P4HA1: variants seen among roughly 807,000 people sequenced by gnomAD.
P4HA1 encodes the protein prolyl 4-hydroxylase subunit alpha-1.
In P4HA1, 24 loss-of-function variants were observed where a neutral mutation model predicts 72.8. That is an observed-to-expected ratio of 0.33 (90% CI 0.24 to 0.46). The LOEUF (loss-of-function observed/expected upper bound fraction) is 0.46, where lower values mean the gene tolerates loss of function less well. Ranked by LOEUF, P4HA1 falls within the 20% of genes least tolerant of loss-of-function variation. P4HA1 has a pLI of 1.00. For missense variants in P4HA1, 446 were observed against 640.6 expected, an observed-to-expected ratio of 0.70 and a Z score of 3.28; for synonymous variants, 201 against 218.8, an observed-to-expected ratio of 0.92 and a Z score of 0.72.
chr10:73,021,653 A>AGAC (rs1237905868), intron 10 of P4HA1, among the ~76,000 whole-genome samples: 1 of 152,250 alleles, frequency 6.6e-6, no homozygotes, highest in Non-Finnish European at 1.5e-5. Context: ...CAGTGGGTGC[A>AGAC]GACCATAGAG....
chr10:73,065,420 A>C (rs540518273), intron 5 of P4HA1: 14 of 152,356 alleles, frequency 9.2e-5, no homozygotes, highest in Admixed American at 3.3e-4. Context: ...ATAGGCCCAA[A>C]GAGGCAAAAG....
At chr10:73,062,727 CAT>C (rs990544227) in intron 5 of P4HA1, among the ~76,000 whole-genome samples, 15 of 152,094 alleles carry the variant, frequency 9.9e-5, no homozygotes, top group African/African-American at 2.9e-4. Flanking sequence ...ATGGTGGTCA[CAT>C]ATGTTTTTAA....
intron 1 of P4HA1, among the ~76,000 whole-genome samples, chr10:73,087,700 A>C (rs576866297): frequency 2.0e-5 from 3 of 151,898 alleles, no homozygotes; most frequent in African/African-American, 7.3e-5. Flanking sequence ...ATGTTGCCCA[A>C]GCTGGTCTCA....
chr10:73,083,490 C>T (rs1461680096), intron 1 of P4HA1, among the ~76,000 whole-genome samples: 1 of 152,172 alleles, frequency 6.6e-6, no homozygotes, highest in Non-Finnish European at 1.5e-5. Flanking sequence ...ACTGAAAGTG[C>T]TACACAGGCT....
chr10:73,023,928 A>G, intron 10 of P4HA1, among the ~76,000 whole-genome samples: 1 of 152,216 alleles, frequency 6.6e-6, no homozygotes, highest in East Asian at 1.9e-4. Flanking sequence ...TCAATTCAAC[A>G]AGAAGTGCTA....
chr10:73,083,837 TAATAC>T (rs1174593587), intron 1 of P4HA1, among the ~76,000 whole-genome samples: 1 of 152,206 alleles, frequency 6.6e-6, no homozygotes, highest in Non-Finnish European at 1.5e-5. Flanking sequence ...TTTTTAAATT[TAATAC>T]AATAATTAAA....
intron 1 of P4HA1, among the ~76,000 whole-genome samples, chr10:73,086,152 T>C (rs1480958026): frequency 6.6e-6 from 1 of 152,182 alleles, no homozygotes; most frequent in Non-Finnish European, 1.5e-5. Flanking sequence ...AGAATAACCA[T>C]ATGGCCCAGA....
chr10:73,045,732 T>C (rs1377680701), intron 8 of P4HA1, among the ~76,000 whole-genome samples: 2 of 152,090 alleles, frequency 1.3e-5, no homozygotes, highest in African/African-American at 2.4e-5. Context: ...ATTAAATTTA[T>C]TGATCAAAAA....
chr10:73,058,641 A>C lies in P4HA1; in HGVS notation c.464-5051T>G, dbSNP rs577037019. On this transcript the variant is annotated intron_variant, in intron 5 of 14. Coordinates refer to ENST00000394890, the MANE Select transcript of P4HA1 (RefSeq NM_001017962.3). ...CCTCTACTGACAATAAGTAAAAAAA[A>C]CTGTAGAACCTCCACAAAATAGAGT... Among the ~76,000 whole-genome samples, 4 of 152,296 alleles carry C rather than the reference A, an allele frequency of 2.6e-5. 1 individual carries two copies. The South Asian group carries it at 8.3e-4, about 32-fold the overall frequency.
intron 5 of P4HA1, among the ~76,000 whole-genome samples, 193 bp downstream of exon 5, chr10:73,068,653 G>A (rs12248134): frequency 0.16 from 24,097 of 152,082 alleles, 3,151 homozygotes; most frequent in African/African-American, 0.34. Flanking sequence ...TAACAAGCTA[G>A]AAGCTAGAAG....
Position 73,007,804 on chromosome 10 carries a change from C to A in P4HA1, c.*418G>T. On this transcript the variant is annotated 3_prime_UTR_variant, in exon 15 of 15. Coordinates refer to ENST00000394890, the MANE Select transcript of P4HA1 (RefSeq NM_001017962.3). ...TTCAGATCCAGAAAACAGAGTAAGA[C>A]ACTAGGTAAACAGAACACCTAGGCA... 1 of 89,886 alleles carries A rather than the reference C, an allele frequency of 1.1e-5. No homozygotes were observed. Among genetic ancestry groups the A allele is most frequent in the South Asian group, 3.5e-4 (1 of 2,818 alleles). The allele number at this position is 89,886 out of a possible 1,614,324, so 5.6% of individuals were successfully genotyped here. A position where few individuals can be genotyped will look rare whatever the true frequency, so the allele number is the denominator to read the frequency against.
intron 14 of P4HA1, among the ~76,000 whole-genome samples, chr10:73,008,858 A>G (rs535478049): frequency 2.6e-5 from 4 of 152,160 alleles, no homozygotes; most frequent in South Asian, 2.1e-4. Context: ...CATAGAACCC[A>G]GTCAAAATAT....
chr10:73,054,289 C>T (rs1841085693), intron 5 of P4HA1, among the ~76,000 whole-genome samples: 1 of 152,224 alleles, frequency 6.6e-6, no homozygotes, highest in Non-Finnish European at 1.5e-5. Flanking sequence ...AATACGTCAA[C>T]TGGATTCTTT....
At chr10:73,042,138 T>C (rs1393543071) in intron 9 of P4HA1, among the ~76,000 whole-genome samples, 1 of 152,200 alleles carries the variant, frequency 6.6e-6, no homozygotes, top group Non-Finnish European at 1.5e-5. Context: ...CTCTTGTTAA[T>C]CTGTCTTTTG....
chr10:73,075,066 C>T (rs749829980), intron 1 of P4HA1, among the ~76,000 whole-genome samples, 151 bp from the exon 2 acceptor site: 8 of 152,112 alleles, frequency 5.3e-5, no homozygotes, highest in Non-Finnish European at 8.8e-5. Context: ...ATAATAGCTA[C>T]TATCTTGTTT....
intron 5 of P4HA1, among the ~76,000 whole-genome samples, chr10:73,068,367 T>A (rs1841474491): frequency 6.6e-6 from 1 of 152,148 alleles, no homozygotes. Flanking sequence ...TGAAAGCAAC[T>A]GTAACTTAAA....
intron 9 of P4HA1, chr10:73,043,971 G>C: frequency 6.2e-7 from 1 of 1,604,844 alleles, no homozygotes; most frequent in Non-Finnish European, 8.5e-7. Context: ...CAAAAAAAGA[G>C]AAAGGACAAG....
In P4HA1 at chr10:73,068,948, A is replaced by G; in HGVS notation, c.361T>C (p.Phe121Leu). 6.2e-7 allele frequency: 1 copy of G among 1,612,864 alleles called. No homozygotes were observed. Among genetic ancestry groups the G allele is most frequent in the Non-Finnish European group, 8.5e-7 (1 of 1,178,960 alleles). The change falls in exon 5 of 15, where the codon TTT becomes CTT. Residue 121 changes from phenylalanine (F) to leucine (L), a missense_variant. By Grantham distance (22) the Phe-to-Leu change is conservative (BLOSUM62 0). Transcript: ENST00000394890. ...ISNLTIQRQY[F>L]PNDEDQVGAA... ...CCAACCTGATCTTCATCATTAGGAA[A>G]GTACTGTCTCTGAATGGTTAGGTTA...
intron 1 of P4HA1, among the ~76,000 whole-genome samples, chr10:73,081,798 G>A (rs1162014473): frequency 1.3e-5 from 2 of 152,208 alleles, no homozygotes; most frequent in African/African-American, 4.8e-5. Flanking sequence ...ACTTTGGGAG[G>A]CGGAGGCTGG....
Sources: allele counts gnomAD v4.1 joint callset (sites outside exome capture counted in the v4.1 genomes callset), GRCh38; gene constraint gnomAD v4.1.1; transcripts MANE v1.5; gene names NCBI Gene and HGNC (gene_info 2026-07-23, HGNC 2026-07-21).